The following ARHGAP12 variants were observed in gnomAD, a reference collection of about 807,000 sequenced individuals.
The protein encoded by ARHGAP12 is Rho GTPase activating protein 12.
In ARHGAP12, 64 loss-of-function variants were observed where a neutral mutation model predicts 108.6. The ratio of observed to expected loss-of-function variants is 0.59; its 90% CI spans 0.48 to 0.73. The LOEUF is 0.73. ARHGAP12 is among the 30% of genes least tolerant of loss of function. The pLI is 0.00. For missense variants in ARHGAP12, 940 were observed against 1,005.9 expected, an observed-to-expected ratio of 0.93 and a Z score of 0.89; for synonymous variants, 312 against 337.2, an observed-to-expected ratio of 0.93 and a Z score of 0.82.
chr10:31,821,600 A>C (rs1299047688), intron 11 of ARHGAP12, among the ~76,000 whole-genome samples: 1 of 152,206 alleles, frequency 6.6e-6, no homozygotes, highest in Non-Finnish European at 1.5e-5. Flanking sequence ...CACTATTTGT[A>C]ATCTCAGTAA....
At chr10:31,903,099 A>C (rs1326032667) in intron 3 of ARHGAP12, among the ~76,000 whole-genome samples, 1 of 152,180 alleles carries the variant, frequency 6.6e-6, no homozygotes, top group Non-Finnish European at 1.5e-5. Context: ...GCATCACTTA[A>C]CAACGGGGAT....
rs573796341 is a variant in ARHGAP12 at position 31,858,080 on chromosome 10, T to C, written c.948+3315A>G. The stretch of plus-strand genomic sequence containing the variant: ...TTAGCCAGGCATGGTAGTTCATGCT[T>C]GTAGTCCCAGCTACCTGGGAGTCTG... On this transcript the variant is annotated intron_variant, in intron 4 of 19. Transcript: ENST00000344936. 1.8e-3 allele frequency among the ~76,000 whole-genome samples: 274 copies of C among 152,230 alleles called. 1 individual carries two copies. Among genetic ancestry groups the C allele is most frequent in the African/African-American group, 6.3e-3 (261 of 41,522 alleles).
intron 19 of ARHGAP12, 78 bp downstream of exon 19, chr10:31,808,571 C>G: frequency 1.6e-6 from 2 of 1,273,408 alleles, no homozygotes; most frequent in Non-Finnish European, 1.1e-6. Context: ...AAATCTGAGT[C>G]TGAGTGACCC....
intron 1 of ARHGAP12, among the ~76,000 whole-genome samples, chr10:31,926,995 C>T (rs1840075379): frequency 6.6e-6 from 1 of 152,198 alleles, no homozygotes; most frequent in Non-Finnish European, 1.5e-5. Flanking sequence ...GAAGTACGAA[C>T]AGAAATCTAT....
chr10:31,855,767 T>C (rs972874838), intron 4 of ARHGAP12, among the ~76,000 whole-genome samples: 1 of 152,194 alleles, frequency 6.6e-6, no homozygotes, highest in Non-Finnish European at 1.5e-5. Flanking sequence ...AAGATATGAC[T>C]TTCTAGCTAA....
intron 7 of ARHGAP12, 72 bp from the exon 8 acceptor site, chr10:31,839,783 G>T: frequency 2.4e-6 from 3 of 1,258,870 alleles, no homozygotes; most frequent in Non-Finnish European, 3.3e-6. Context: ...CTCACAGTGG[G>T]AGAGCTTAGT....
chr10:31,922,721 C>G (rs1189880586), intron 1 of ARHGAP12, among the ~76,000 whole-genome samples: 1 of 151,766 alleles, frequency 6.6e-6, no homozygotes, highest in Non-Finnish European at 1.5e-5. Flanking sequence ...TGAATTTTAC[C>G]AAAAACGTAA....
intron 6 of ARHGAP12, 84 bp downstream of exon 6, chr10:31,852,433 C>T: frequency 9.1e-7 from 1 of 1,104,266 alleles, no homozygotes. Flanking sequence ...GAATAAAGAT[C>T]TTAAAATAAA....
chr10:31,808,732 T>G lies in ARHGAP12; in HGVS notation c.2283A>C (p.Arg761=). 1 of 1,613,888 alleles carries G rather than the reference T, an allele frequency of 6.2e-7. No homozygotes were observed. The highest frequency in any genetic ancestry group is 8.5e-7 in the Non-Finnish European group (1 of 1,179,788). Residue 761 remains arginine, a synonymous_variant, in exon 19 of 20, where the codon CGA becomes CGC. Coordinates refer to ENST00000344936, the MANE Select transcript of ARHGAP12 (RefSeq NM_018287.7). ...VNAIKQEPRQ[R]VAAVKDLIRQ... is the part of the protein sequence containing the mutation. ...TGATTAGGTCCTTAACAGCAGCGAC[T>G]CGCTGTCTTGGTTCTTGCTCTGAAA...
At chr10:31,817,442 G>T (rs1835246924) in intron 13 of ARHGAP12, among the ~76,000 whole-genome samples, 1 of 152,166 alleles carries the variant, frequency 6.6e-6, no homozygotes, top group South Asian at 2.1e-4. Context: ...GCTCGCCTCA[G>T]ACTTCTTCCA....
intron 7 of ARHGAP12, among the ~76,000 whole-genome samples, chr10:31,840,355 G>GT (rs35517549): frequency 0.19 from 27,543 of 148,150 alleles, 2,819 homozygotes; most frequent in East Asian, 0.47. Context: ...CCAATAACGT[G>GT]TTTTTTTTTT....
At chr10:31,883,485 T>G (rs932849148) in intron 3 of ARHGAP12, among the ~76,000 whole-genome samples, 1 of 152,160 alleles carries the variant, frequency 6.6e-6, no homozygotes, top group African/African-American at 2.4e-5. Flanking sequence ...AGAACTAACA[T>G]AGTAGAGGTA....
intron 11 of ARHGAP12, among the ~76,000 whole-genome samples, 163 bp from the exon 12 acceptor site, chr10:31,820,651 A>C (rs1012226869): frequency 6.6e-6 from 1 of 150,958 alleles, no homozygotes; most frequent in Non-Finnish European, 1.5e-5. Context: ...AAAATTGAAA[A>C]ATATCTAGAA....
intron 3 of ARHGAP12, among the ~76,000 whole-genome samples, chr10:31,884,336 C>A (rs1182419994): frequency 6.7e-6 from 1 of 149,794 alleles, no homozygotes; most frequent in African/African-American, 2.4e-5. Context: ...AAAAAAAAAA[C>A]GGCACAGTTT....
chr10:31,925,309 A>C (rs1418065708), intron 1 of ARHGAP12, among the ~76,000 whole-genome samples: 3 of 152,232 alleles, frequency 2.0e-5, no homozygotes, highest in Non-Finnish European at 4.4e-5. Flanking sequence ...TCAAACTTTT[A>C]GTGAGCAATG....
At chr10:31,882,362 A>C (rs1392546120) in intron 3 of ARHGAP12, among the ~76,000 whole-genome samples, 2 of 151,566 alleles carry the variant, frequency 1.3e-5, no homozygotes, top group Non-Finnish European at 2.9e-5. Context: ...AGTAATGTTG[A>C]TGACCTGGAG....
At chr10:31,854,283 T>G in intron 4 of ARHGAP12, 77 bp from the exon 5 acceptor site, 1 of 1,266,266 alleles carries the variant, frequency 7.9e-7, no homozygotes, top group Admixed American at 2.9e-5. Flanking sequence ...AATAAATAAA[T>G]TTTACTTGAC....
chr10:31,869,524 G>A (rs551842949), intron 3 of ARHGAP12, among the ~76,000 whole-genome samples: 32 of 150,124 alleles, frequency 2.1e-4, no homozygotes, highest in Admixed American at 9.3e-4. Flanking sequence ...GTAACAGAGC[G>A]AGACTCTGTC....
At chr10:31,913,426 C>T (rs898035347) in intron 1 of ARHGAP12, 3 of 168,888 alleles carry the variant, frequency 1.8e-5, no homozygotes, top group African/African-American at 7.2e-5. Context: ...ACCCAACGGG[C>T]CTCCTTTGTT....
Sources: gnomAD v4.1 joint callset for allele counts (sites outside exome capture counted in the v4.1 genomes callset) on GRCh38, gnomAD v4.1.1 for gene constraint, MANE v1.5 for transcripts, NCBI Gene and HGNC (gene_info 2026-07-23, HGNC 2026-07-21) for gene names.